Variants in GPR180 observed in about 807,000 individuals in gnomAD.
GPR180 encodes the protein G protein-coupled receptor 180.
GPR180 carries 53 observed loss-of-function variants against 52.6 expected under a neutral mutation model. The ratio of observed to expected loss-of-function variants is 1.01; its 90% CI spans 0.81 to 1.27. The LOEUF (loss-of-function observed/expected upper bound fraction) is 1.27. Among genes scored for constraint, GPR180 ranks in the 50% most tolerant of loss-of-function variants. The pLI is 0.00. For missense variants in GPR180, 533 were observed against 527.0 expected, an observed-to-expected ratio of 1.01 and a Z score of -0.11; for synonymous variants, 200 against 193.1, an observed-to-expected ratio of 1.04 and a Z score of -0.30.
At position 94,631,944 on chromosome 13, in the gene GPR180, G is replaced by C. The variant is rs1164176978; in HGVS notation, c.*4773G>C. 1 of 152,144 alleles carries C rather than the reference G, an allele frequency of 6.6e-6. No homozygotes were observed. The highest frequency in any genetic ancestry group is 1.5e-5 in the Non-Finnish European group (1 of 68,032). 9.4% of individuals were successfully genotyped at this position (152,144 alleles called of 1,614,324 possible). A position where few individuals can be genotyped will look rare whatever the true frequency, so the allele number is the denominator to read the frequency against. On this transcript the variant is annotated 3_prime_UTR_variant, in exon 9 of 9. Transcript: ENST00000376958. ...CAACCAGAAGCACCAATTTAAAAGA[G>C]AAGTTTCTAGTCAGCTAGAGGAGGG... is the stretch of plus-strand genomic sequence containing the variant.
rs1434058622 is a variant in GPR180, at chr13:94,628,590, A to G, written c.*1419A>G. On this transcript the variant is annotated 3_prime_UTR_variant, in exon 9 of 9. Coordinates refer to ENST00000376958, the MANE Select transcript of GPR180 (RefSeq NM_180989.6). ...GTACCTAGTCTCATTGGAAATGACT[A>G]GTATTCTGCCTCATTTTCAGGGCAG... 1.3e-5 allele frequency: 2 copies of G among 152,044 alleles called. No individual in the cohort carries two copies. Among genetic ancestry groups the G allele is most frequent in the Non-Finnish European group, 2.9e-5 (2 of 67,916 alleles). 9.4% of individuals were successfully genotyped at this position (152,044 alleles called of 1,614,324 possible). A position where few individuals can be genotyped will look rare whatever the true frequency, so the allele number is the denominator to read the frequency against.
At chr13:94,611,823 C>CT (rs1261357040) in intron 2 of GPR180, among the ~76,000 whole-genome samples, 4 of 151,646 alleles carry the variant, frequency 2.6e-5, no homozygotes, top group Non-Finnish European at 1.5e-5. Context: ...GCTGAAGAAA[C>CT]TGAGCACCTC....
chr13:94,618,040 G>A (rs918504158), intron 3 of GPR180, among the ~76,000 whole-genome samples: 10 of 152,200 alleles, frequency 6.6e-5, no homozygotes, highest in Admixed American at 5.2e-4. Context: ...GTTACATGAA[G>A]ACTGTACTAA....
rs1889982371 is a variant in GPR180 at position 94,630,541 on chromosome 13, G to A, written c.*3370G>A. 1 of 152,262 alleles carries A rather than the reference G, an allele frequency of 6.6e-6. No homozygotes were observed. Among genetic ancestry groups the A allele is most frequent in the East Asian group, 1.9e-4 (1 of 5,184 alleles). 9.4% of individuals were successfully genotyped at this position (152,262 alleles called of 1,614,324 possible). A position where few individuals can be genotyped will look rare whatever the true frequency, so the allele number is the denominator to read the frequency against. On this transcript the variant is annotated 3_prime_UTR_variant, in exon 9 of 9. Coordinates refer to ENST00000376958, the MANE Select transcript of GPR180 (RefSeq NM_180989.6). The stretch of plus-strand genomic sequence containing the variant: ...TCCATGTGCCTCTCATTGCACTTAG[G>A]AAAAGAAGTCCTCACTCATTACTAT...
Position 94,627,094 on chromosome 13 carries a change from T to C in GPR180, c.1246T>C (p.Trp416Arg), listed in dbSNP as rs1889938404. Reference sequence around the variant, plus strand: ...ACTCTTTCTGTCTCACAGTCTATACTGGGAAGTTTCTTCACTTTCTTCAGT... The same window carrying C: ...ACTCTTTCTGTCTCACAGTCTATACCGGGAAGTTTCTTCACTTTCTTCAGT... Reference protein sequence around the residue: ...YRLFLSHSLYWEVSSLSSVTL... With the variant: ...YRLFLSHSLYREVSSLSSVTL... The change falls in exon 9 of 9, where the codon TGG becomes CGG. Residue 416 changes from tryptophan to arginine, a missense_variant. By Grantham distance (101) the Trp-to-Arg change is moderately radical. Transcript: ENST00000376958. 1.2e-6 allele frequency: 2 copies of C among 1,612,800 alleles called. No individual in the cohort carries two copies. The highest frequency in any genetic ancestry group is 1.7e-5 in the Admixed American group (1 of 59,986).
rs1566975881 is a variant in GPR180 at position 94,605,560 on chromosome 13, C to T, written c.304+11C>T. ...AAGCTCAGTTGACAAGTGAGTATATCCTTTTTTCTTTGATCATTAGATATA... is the reference window on the plus strand; with the variant it reads ...AAGCTCAGTTGACAAGTGAGTATATTCTTTTTTCTTTGATCATTAGATATA... On this transcript the variant is annotated intron_variant, in intron 2 of 8. Coordinates refer to ENST00000376958, the MANE Select transcript of GPR180 (RefSeq NM_180989.6). 1.2e-6 allele frequency: 2 copies of T among 1,601,682 alleles called. No individual in the cohort carries two copies. The highest frequency in any genetic ancestry group is 1.7e-6 in the Non-Finnish European group (2 of 1,172,554).
intron 3 of GPR180, among the ~76,000 whole-genome samples, chr13:94,613,262 G>C (rs1889735211): frequency 6.6e-6 from 1 of 152,174 alleles, no homozygotes; most frequent in South Asian, 2.1e-4. Context: ...GTGGGTGGAG[G>C]TGAGGCAGGA....
intron 1 of GPR180, among the ~76,000 whole-genome samples, chr13:94,604,115 C>T (rs769949423): frequency 2.6e-5 from 4 of 151,940 alleles, no homozygotes; most frequent in Non-Finnish European, 4.4e-5. Flanking sequence ...GGGTGGATCA[C>T]CTGAGGTCAG....
At chr13:94,619,711 CGTT>C (rs899641008) in intron 5 of GPR180, among the ~76,000 whole-genome samples, 194 bp downstream of exon 5, 5 of 152,154 alleles carry the variant, frequency 3.3e-5, no homozygotes, top group South Asian at 2.1e-4. Context: ...TACAGCTCCT[CGTT>C]GTTTTTTTGT....
At chr13:94,613,118 A>T (rs770001987) in intron 3 of GPR180, among the ~76,000 whole-genome samples, 2 of 152,212 alleles carry the variant, frequency 1.3e-5, no homozygotes, top group Non-Finnish European at 2.9e-5. Flanking sequence ...ATATTGGAGT[A>T]AGGATTTGTA....
rs1340573591 is a variant in GPR180, at chr13:94,630,084, G to A, written c.*2913G>A. The A allele has an allele frequency of 3.3e-5, 5 of 152,212 alleles. No homozygotes were observed. The highest frequency in any genetic ancestry group is 7.3e-5 in the Non-Finnish European group (5 of 68,038). The allele number at this position is 152,212 out of a possible 1,614,324, so 9.4% of individuals were successfully genotyped here. On this transcript the variant is annotated 3_prime_UTR_variant, in exon 9 of 9. Coordinates refer to ENST00000376958, the MANE Select transcript of GPR180 (RefSeq NM_180989.6). ...ATGATTGTTAGAAGTAGCCAGATACGAAGAGGTAATACTGTTTTTTATTCC... is the reference window on the plus strand; with the variant it reads ...ATGATTGTTAGAAGTAGCCAGATACAAAGAGGTAATACTGTTTTTTATTCC...
chr13:94,608,501 C>T (rs1447173319), intron 2 of GPR180, among the ~76,000 whole-genome samples: 1 of 152,072 alleles, frequency 6.6e-6, no homozygotes, highest in Admixed American at 6.6e-5. Flanking sequence ...AATTTTGGGG[C>T]TTAAAATAAA....
rs1889996583 is a variant in GPR180, at chr13:94,631,462, C to T, written c.*4291C>T. ...ATTAACCATACCATCCTACCTAATG[C>T]TATTCCCCCATCCTAGTTCTATCAT... On this transcript the variant is annotated 3_prime_UTR_variant, in exon 9 of 9. Transcript: ENST00000376958. The T allele has an allele frequency of 6.6e-6, 1 of 151,636 alleles. No individual in the cohort carries two copies. Among genetic ancestry groups the T allele is most frequent in the African/African-American group, 2.4e-5 (1 of 41,190 alleles). 9.4% of individuals were successfully genotyped at this position (151,636 alleles called of 1,614,324 possible).
chr13:94,632,838 G>C lies in GPR180; in HGVS notation c.*5667G>C, dbSNP rs1471483390. 6.6e-6 allele frequency: 1 copy of C among 152,226 alleles called. No homozygotes were observed. The highest frequency in any genetic ancestry group is 1.5e-5 in the Non-Finnish European group (1 of 68,040). The allele number at this position is 152,226 out of a possible 1,614,324, so 9.4% of individuals were successfully genotyped here. A position where few individuals can be genotyped will look rare whatever the true frequency, so the allele number is the denominator to read the frequency against. On this transcript the variant is annotated 3_prime_UTR_variant, in exon 9 of 9. Transcript: ENST00000376958. ...ACCTCTGAGGTGGAGAGAGGGGTTA[G>C]AGATGGAGTTCAGCTTTATATAGAG...
chr13:94,602,298 A>G (rs887890409), intron 1 of GPR180, among the ~76,000 whole-genome samples: 1 of 152,158 alleles, frequency 6.6e-6, no homozygotes. Flanking sequence ...GCCTCTCGCC[A>G]CTAGTGATCG....
chr13:94,604,343 T>C (rs1191872287), intron 1 of GPR180, among the ~76,000 whole-genome samples: 1 of 62,760 alleles, frequency 1.6e-5, no homozygotes, highest in Non-Finnish European at 3.1e-5. Flanking sequence ...CAAAAATAAA[T>C]TAAAAAAAAA....
intron 5 of GPR180, among the ~76,000 whole-genome samples, chr13:94,620,289 A>T (rs970102312): frequency 6.6e-6 from 1 of 152,216 alleles, no homozygotes; most frequent in South Asian, 2.1e-4. Context: ...TAAAACTCAC[A>T]TCAAAATATG....
At chr13:94,613,259 GA>G (rs1219601463) in intron 3 of GPR180, among the ~76,000 whole-genome samples, 1 of 152,166 alleles carries the variant, frequency 6.6e-6, no homozygotes, top group Non-Finnish European at 1.5e-5. Flanking sequence ...GGGGTGGGTG[GA>G]GGTGAGGCAG....
chr13:94,608,013 T>C (rs1172004706), intron 2 of GPR180, among the ~76,000 whole-genome samples: 1 of 152,202 alleles, frequency 6.6e-6, no homozygotes, highest in Non-Finnish European at 1.5e-5. Flanking sequence ...GTTTAAAGCT[T>C]TGAGCTATAG....
Sources: gnomAD v4.1 joint callset for allele counts (sites outside exome capture counted in the v4.1 genomes callset) on GRCh38, gnomAD v4.1.1 for gene constraint, MANE v1.5 for transcripts, NCBI Gene and HGNC (gene_info 2026-07-23, HGNC 2026-07-21) for gene names.